CRYGB: variants seen among roughly 807,000 people sequenced by gnomAD.
CRYGB encodes the protein crystallin gamma B.
Under a neutral mutation model 21.3 loss-of-function variants are expected in CRYGB, and 19 were observed. The ratio of observed to expected loss-of-function variants is 0.89; its 90% CI spans 0.62 to 1.31. The LOEUF (loss-of-function observed/expected upper bound fraction) is 1.31. CRYGB is among the 50% of genes most tolerant of loss of function. CRYGB has a pLI of 0.00. For missense variants in CRYGB, 254 were observed against 228.4 expected, an observed-to-expected ratio of 1.11 and a Z score of -0.72; for synonymous variants, 81 against 81.2, an observed-to-expected ratio of 1.00 and a Z score of 0.01.
intron 2 of CRYGB, 67 bp downstream of exon 2, chr2:208,145,707 A>G: frequency 6.6e-7 from 1 of 1,516,976 alleles, no homozygotes; most frequent in Non-Finnish European, 8.8e-7. Flanking sequence ...AAAAAAAAAA[A>G]AAAAGAATAT....
Position 208,142,990 on chromosome 2 carries a change from C to G in CRYGB, c.253-77G>C, listed in dbSNP as rs192887268. Reference sequence around the variant, plus strand: ...ATTAAAGCTCCAGTCCCTACACCTCCCTGGCCACACCTGCCCAGAAGTTCT... The same window carrying G: ...ATTAAAGCTCCAGTCCCTACACCTCGCTGGCCACACCTGCCCAGAAGTTCT... On this transcript the variant is annotated intron_variant, in intron 2 of 2. Transcript: ENST00000260988. 468 of 1,451,680 alleles carry G rather than the reference C, an allele frequency of 3.2e-4. No individual in the cohort carries two copies. The African/African-American group carries it at 4.0e-3, about 13-fold the overall frequency. 89.9% of individuals were successfully genotyped at this position (1,451,680 alleles called of 1,614,324 possible).
In CRYGB at chr2:208,144,387, G is replaced by GCACACA. The variant is rs34125940; in HGVS notation, c.252+1381_252+1386dup. 5.2e-3 allele frequency among the ~76,000 whole-genome samples: 787 copies of GCACACA among 150,238 alleles called. 10 individuals are homozygous for GCACACA. Among genetic ancestry groups the GCACACA allele is most frequent in the African/African-American group, 0.018 (732 of 40,998 alleles). ...TTGGGGTTCACTATTATATGCGCAC[G>GCACACA]CACACACACACACACATATATGTAT... is the stretch of plus-strand genomic sequence containing the variant. On this transcript the variant is annotated intron_variant, in intron 2 of 2. Coordinates refer to ENST00000260988, the MANE Select transcript of CRYGB (RefSeq NM_005210.4).
Position 208,145,688 on chromosome 2 carries a change from CAA to C in CRYGB, c.252+84_252+85del, listed in dbSNP as rs554918356. The C allele has an allele frequency of 0.057, 66,711 of 1,170,802 alleles. No individual in the cohort carries two copies. Among genetic ancestry groups the C allele is most frequent in the Middle Eastern group, 0.07 (215 of 3,070 alleles). The allele number at this position is 1,170,802 out of a possible 1,614,324, so 72.5% of individuals were successfully genotyped here. On this transcript the variant is annotated intron_variant, in intron 2 of 2. Transcript: ENST00000260988. ...TGGGGGACAGAGCGAGACTCCGCCT[CAA>C]AAAAAAAAAAAAAAAAAAAAAGAAT...
chr2:208,145,773 C>A lies in CRYGB; in HGVS notation c.252+1G>T, dbSNP rs374360078. ...GAAGGCAAAGACAGAGCCACACTCA[C>A]CGGGGGGATGAGGCAGCAGGAGCGG... On this transcript the variant is annotated splice_donor_variant, in intron 2 of 2. Transcript: ENST00000260988. LOFTEE classifies it high-confidence loss of function. The A allele has an allele frequency of 8.7e-6, 14 of 1,611,700 alleles. No homozygotes were observed. Among genetic ancestry groups the A allele is most frequent in the Non-Finnish European group, 1.2e-5 (14 of 1,178,884 alleles).
intron 2 of CRYGB, among the ~76,000 whole-genome samples, 187 bp downstream of exon 2, chr2:208,145,587 G>T (rs1195114951): frequency 1.3e-5 from 2 of 150,848 alleles, no homozygotes; most frequent in African/African-American, 4.9e-5. Flanking sequence ...TACTCAGGAG[G>T]CTGAGGCAGG....
chr2:208,145,779 G>C lies in CRYGB; in HGVS notation c.247C>G (p.Pro83Ala). The part of the protein sequence containing the change: ...SDSIRSCCLI[P>A]PHSGAYRMKI... ...AAAGACAGAGCCACACTCACCGGGG[G>C]GATGAGGCAGCAGGAGCGGATGGAG... is the stretch of plus-strand genomic sequence containing the variant. Residue 83 changes from proline to alanine, a missense_variant, in exon 2 of 3, where the codon CCC (proline) becomes GCC (alanine). Coordinates refer to ENST00000260988, the MANE Select transcript of CRYGB (RefSeq NM_005210.4). The C allele has an allele frequency of 6.2e-7, 1 of 1,612,624 alleles. No homozygotes were observed. Among genetic ancestry groups the C allele is most frequent in the Non-Finnish European group, 8.5e-7 (1 of 1,179,240 alleles).
rs372576064 is a variant in CRYGB at position 208,145,854 on chromosome 2, G to A, written c.172C>T (p.Leu58=). The A allele has an allele frequency of 2.5e-6, 4 of 1,614,142 alleles. No homozygotes were observed. Among genetic ancestry groups the A allele is most frequent in the Non-Finnish European group, 3.4e-6 (4 of 1,180,034 alleles). The change falls in exon 2 of 3, where the codon CTG becomes TTG. Residue 58 remains leucine (L), a synonymous_variant. Transcript: ENST00000260988. The stretch of plus-strand genomic sequence containing the variant: ...TAGTCAGGGTACTCCCCACGCCGCA[G>A]GAAGTACTGGTGGCCCTGGTAGTTG... The part of the protein sequence containing the change: ...RPNYQGHQYF[L]RRGEYPDYQQ...
chr2:208,142,867 C>G lies in CRYGB; in HGVS notation c.299G>C (p.Arg100Thr). 2 of 1,613,234 alleles carry G rather than the reference C, an allele frequency of 1.2e-6. No individual in the cohort carries two copies. Among genetic ancestry groups the G allele is most frequent in the Non-Finnish European group, 1.7e-6 (2 of 1,179,670 alleles). Residue 100 changes from arginine (R) to threonine (T), a missense_variant, in exon 3 of 3, where the codon AGG (arginine) becomes ACG (threonine). Arg to Thr is a moderately conservative substitution (Grantham distance 71). Coordinates refer to ENST00000260988, the MANE Select transcript of CRYGB (RefSeq NM_005210.4). ...GTCTGTGAGCTCTGACATTTGTCCC[C>G]TCAATTCATCTCTGTCGTAGATCTT... The part of the protein sequence containing the change: ...RMKIYDRDEL[R>T]GQMSELTDDC...
intron 1 of CRYGB, 32 bp from the exon 2 acceptor site, chr2:208,146,048 G>A: frequency 6.2e-7 from 1 of 1,609,786 alleles, no homozygotes; most frequent in Non-Finnish European, 8.5e-7. Context: ...AGCATGGAGT[G>A]ATTGGCCCCC....
Position 208,142,664 on chromosome 2 carries a change from G to A in CRYGB, c.502C>T (p.Leu168Phe). Residue 168 changes from leucine (L) to phenylalanine (F), a missense_variant, in exon 3 of 3, where the codon CTT (leucine) becomes TTT (phenylalanine). By Grantham distance (22) the Leu-to-Phe change is conservative. Coordinates refer to ENST00000260988, the MANE Select transcript of CRYGB (RefSeq NM_005210.4). ...CAGTACAAATCCATGACTCGTCTAA[G>A]AGAGCCAACTTTGGCATTTGGAGCC... The part of the protein sequence containing the change: ...WGAPNAKVGS[L>F]RRVMDLY 1 of 1,569,150 alleles carries A rather than the reference G, an allele frequency of 6.4e-7. No homozygotes were observed. Among genetic ancestry groups the A allele is most frequent in the Non-Finnish European group, 8.6e-7 (1 of 1,162,364 alleles).
chr2:208,142,713 C>G lies in CRYGB; in HGVS notation c.453G>C (p.Glu151Asp). 1 of 1,613,308 alleles carries G rather than the reference C, an allele frequency of 6.2e-7. No individual in the cohort carries two copies. The highest frequency in any genetic ancestry group is 8.5e-7 in the Non-Finnish European group (1 of 1,179,756). ...RGRQYLLRPG[E>D]YRRFLDWGAP... ...CCCCCCAATCAAGAAACCTCCTGTA[C>G]TCCCCCGGCCTCAGCAGATACTGCC... The change falls in exon 3 of 3, where the codon GAG (glutamate) becomes GAC (aspartate). Residue 151 changes from glutamate to aspartate, a missense_variant. Physicochemically the swap from Glu to Asp is conservative, Grantham distance 45 (BLOSUM62 2). Coordinates refer to ENST00000260988, the MANE Select transcript of CRYGB (RefSeq NM_005210.4).
intron 2 of CRYGB, among the ~76,000 whole-genome samples, chr2:208,145,224 TTTGTTGTTGTTG>T (rs71036980): frequency 6.7e-6 from 1 of 149,786 alleles, no homozygotes; most frequent in Non-Finnish European, 1.5e-5. Context: ...CAAGCAAAAG[TTTGTTGTTGTTG>T]TTGTTGTTGT....
At chr2:208,143,399 C>A (rs1559327230) in intron 2 of CRYGB, among the ~76,000 whole-genome samples, 1 of 152,132 alleles carries the variant, frequency 6.6e-6, no homozygotes, top group African/African-American at 2.4e-5. Context: ...TGATTGCTTC[C>A]TCTCCCCTAT....
intron 2 of CRYGB, among the ~76,000 whole-genome samples, chr2:208,145,305 C>A (rs1001534127): frequency 1.3e-5 from 2 of 151,410 alleles, no homozygotes; most frequent in Non-Finnish European, 2.9e-5. Context: ...TGCAGTGGCA[C>A]GATCTCGGCT....
chr2:208,142,991 C>T (rs1488908723), intron 2 of CRYGB, 78 bp from the exon 3 acceptor site: 10 of 1,453,516 alleles, frequency 6.9e-6, no homozygotes, highest in Non-Finnish European at 8.3e-6. Flanking sequence ...CTACACCTCC[C>T]TGGCCACACC....
intron 2 of CRYGB, among the ~76,000 whole-genome samples, chr2:208,144,951 T>G (rs1218792526): frequency 9.9e-5 from 15 of 152,174 alleles, no homozygotes; most frequent in Admixed American, 9.8e-4. Flanking sequence ...CTTATTTATT[T>G]CCCTCAGCAG....
chr2:208,143,120 G>A (rs756370528), intron 2 of CRYGB, among the ~76,000 whole-genome samples: 1 of 152,116 alleles, frequency 6.6e-6, no homozygotes, highest in Non-Finnish European at 1.5e-5. Context: ...GCAGAGCTAG[G>A]GCTTTGGGAA....
chr2:208,145,915 C>T lies in CRYGB; in HGVS notation c.111G>A (p.Arg37=). ...QPYFSRCNSI[R]VESGCWMIYE... is the part of the protein sequence containing the mutation. ...AGATCATCCAGCAGCCGCTCTCCAC[C>T]CTGATGGAGTTGCAGCGGCTGAAAT... Residue 37 remains arginine, a synonymous_variant, in exon 2 of 3, where the codon AGG becomes AGA. Coordinates refer to ENST00000260988, the MANE Select transcript of CRYGB (RefSeq NM_005210.4). The T allele has an allele frequency of 6.2e-7, 1 of 1,614,080 alleles. No homozygotes were observed. The highest frequency in any genetic ancestry group is 1.7e-5 in the Admixed American group (1 of 60,018).
chr2:208,146,084 G>A, intron 1 of CRYGB, 28 bp downstream of exon 1: 2 of 1,614,222 alleles, frequency 1.2e-6, no homozygotes, highest in Non-Finnish European at 1.7e-6. Context: ...TTAGGGCCAA[G>A]GCTGAGCATC....
Sources: gnomAD v4.1 joint callset for allele counts (sites outside exome capture counted in the v4.1 genomes callset) on GRCh38, gnomAD v4.1.1 for gene constraint, MANE v1.5 for transcripts, NCBI Gene and HGNC (gene_info 2026-07-23, HGNC 2026-07-21) for gene names.